Variants in PARD3B observed in about 807,000 individuals in gnomAD.
PARD3B encodes partitioning defective 3 homolog B.
A neutral mutation model predicts 130.2 loss-of-function variants in PARD3B; 103 were observed. That is an observed-to-expected ratio of 0.79 (90% CI 0.67 to 0.93). The LOEUF is 0.93. Among genes scored for constraint, PARD3B ranks in the 40% least tolerant of loss-of-function variants. The pLI, the probability that PARD3B is intolerant of heterozygous loss-of-function variation, is 0.00. For missense variants in PARD3B, 1,609 were observed against 1,499.2 expected, an observed-to-expected ratio of 1.07 and a Z score of -1.21; for synonymous variants, 583 against 553.2, an observed-to-expected ratio of 1.05 and a Z score of -0.76.
intron 21 of PARD3B, among the ~76,000 whole-genome samples, chr2:205,549,524 A>G (rs543144022): frequency 1.3e-5 from 2 of 152,316 alleles, no homozygotes; most frequent in East Asian, 3.9e-4. Context: ...ACCAAGTAAA[A>G]GAAGCCAATC....
At chr2:204,604,355 G>C (rs1217824214) in intron 1 of PARD3B, among the ~76,000 whole-genome samples, 1 of 152,134 alleles carries the variant, frequency 6.6e-6, no homozygotes, top group Non-Finnish European at 1.5e-5. Flanking sequence ...AGCTCAGTAA[G>C]AAAATACAAT....
intron 4 of PARD3B, among the ~76,000 whole-genome samples, chr2:205,064,314 A>G (rs1700231712): frequency 6.6e-6 from 1 of 152,156 alleles, no homozygotes; most frequent in African/African-American, 2.4e-5. Flanking sequence ...CTGAGATCCA[A>G]GCAATTGCTT....
chr2:204,562,886 G>A (rs959298081), intron 1 of PARD3B, among the ~76,000 whole-genome samples: 1 of 150,444 alleles, frequency 6.6e-6, no homozygotes, highest in African/African-American at 2.5e-5. Context: ...TCTCTCTCTT[G>A]TTTCACTTTT....
At chr2:204,626,949 A>G (rs2034507246) in intron 1 of PARD3B, among the ~76,000 whole-genome samples, 1 of 152,064 alleles carries the variant, frequency 6.6e-6, no homozygotes, top group Non-Finnish European at 1.5e-5. Flanking sequence ...TGAGGGAGGG[A>G]CCTGTAATCC....
chr2:205,340,776 C>T (rs1048238237), intron 18 of PARD3B, among the ~76,000 whole-genome samples: 1 of 151,952 alleles, frequency 6.6e-6, no homozygotes, highest in African/African-American at 2.4e-5. Flanking sequence ...AGTTTCTGGA[C>T]AGTAAAGGAA....
chr2:205,156,268 GGGC>G (rs1266544993), intron 10 of PARD3B, among the ~76,000 whole-genome samples: 1 of 130,316 alleles, frequency 7.7e-6, no homozygotes, highest in Non-Finnish European at 1.6e-5. Flanking sequence ...GTTGTGGGGT[GGGC>G]GGGGGGGGGA....
chr2:204,937,998 G>C (rs1688599351), intron 2 of PARD3B, among the ~76,000 whole-genome samples: 1 of 152,314 alleles, frequency 6.6e-6, no homozygotes, highest in Admixed American at 6.5e-5. Context: ...AGAGAGCAGT[G>C]ACACGCCAGT....
At chr2:205,210,627 A>G (rs1260657665) in intron 15 of PARD3B, among the ~76,000 whole-genome samples, 1 of 152,172 alleles carries the variant, frequency 6.6e-6, no homozygotes, top group Non-Finnish European at 1.5e-5. Flanking sequence ...GATGTATTAA[A>G]GATATGAGGC....
At position 205,229,398 on chromosome 2, in the gene PARD3B, G is replaced by A. The variant is rs930366156; in HGVS notation, c.2141-16380G>A. ...GCCCAGTAATGCTGTGACTCTTACAGACTTGTAGAGGTGCCATGTTGGTGG... is the reference window on the plus strand; with the variant it reads ...GCCCAGTAATGCTGTGACTCTTACAAACTTGTAGAGGTGCCATGTTGGTGG... On this transcript the variant is annotated intron_variant, in intron 15 of 22. Coordinates refer to ENST00000406610, the MANE Select transcript of PARD3B (RefSeq NM_001302769.2). The surrounding 1 kb of genome is among the most constrained non-coding windows in gnomAD (Gnocchi z 5.2). Among the ~76,000 whole-genome samples, 2 of 152,224 alleles carry A rather than the reference G, an allele frequency of 1.3e-5. No individual in the cohort carries two copies. The highest frequency in any genetic ancestry group is 4.8e-5 in the African/African-American group (2 of 41,462).
Position 205,244,673 on chromosome 2 carries a change from AC to A in PARD3B, c.2141-1104del, listed in dbSNP as rs1386061522. Among the ~76,000 whole-genome samples, 4 of 151,978 alleles carry A rather than the reference AC, an allele frequency of 2.6e-5. No individual in the cohort carries two copies. Among genetic ancestry groups the A allele is most frequent in the African/African-American group, 9.7e-5 (4 of 41,324 alleles). On this transcript the variant is annotated intron_variant, in intron 15 of 22. Coordinates refer to ENST00000406610, the MANE Select transcript of PARD3B (RefSeq NM_001302769.2). This position sits in a 1 kb window ranked among gnomAD's most constrained non-coding sequence, Gnocchi z 4.7. ...TTGTGGGAAAGTTTTACTTATAAAC[AC>A]ATTTTTTTTTTCAAAAAACTACTAT... is the stretch of plus-strand genomic sequence containing the variant.
At chr2:205,448,481 C>T (rs769390723) in intron 20 of PARD3B, among the ~76,000 whole-genome samples, 3 of 152,114 alleles carry the variant, frequency 2.0e-5, no homozygotes, top group Non-Finnish European at 4.4e-5. Context: ...GGTACAATAA[C>T]TTTTTAAAAT....
rs549544512 is a variant in PARD3B at position 204,814,755 on chromosome 2, C to T, written c.222+128473C>T. ...TGTTTCTAGTATGCTGAGGGTTGTT[C>T]TCTTCTGTCTTGTTATTTTTAAGAG... On this transcript the variant is annotated intron_variant, in intron 2 of 22. Transcript: ENST00000406610. Among the ~76,000 whole-genome samples, 10 of 151,644 alleles carry T rather than the reference C, an allele frequency of 6.6e-5. No homozygotes were observed. In the East Asian group the frequency reaches 1.7e-3, roughly 26 times the overall value.
At position 205,321,381 on chromosome 2, in the gene PARD3B, T is replaced by G. The variant is rs1336813311; in HGVS notation, c.2630+19680T>G. 6.6e-6 allele frequency among the ~76,000 whole-genome samples: 1 copy of G among 152,154 alleles called. No homozygotes were observed. The highest frequency in any genetic ancestry group is 1.5e-5 in the Non-Finnish European group (1 of 68,012). On this transcript the variant is annotated intron_variant, in intron 18 of 22. Transcript: ENST00000406610. The surrounding 1 kb of genome is among the most constrained non-coding windows in gnomAD (Gnocchi z 4.2). The stretch of plus-strand genomic sequence containing the variant: ...GCTACAAAAAATAGCACAAAGAATT[T>G]CCTTATACCTTCCGCCCAGATTCCT...
At chr2:204,847,288 A>G (rs1234103751) in intron 2 of PARD3B, among the ~76,000 whole-genome samples, 1 of 151,368 alleles carries the variant, frequency 6.6e-6, no homozygotes, top group Non-Finnish European at 1.5e-5. Flanking sequence ...ACTAGAAGCC[A>G]CCATAAGAAA....
intron 6 of PARD3B, among the ~76,000 whole-genome samples, chr2:205,117,113 A>T (rs1311715567): frequency 2.0e-5 from 3 of 152,234 alleles, no homozygotes; most frequent in Non-Finnish European, 2.9e-5. Context: ...GAATCAAGTT[A>T]TTGTGAATCC....
intron 2 of PARD3B, among the ~76,000 whole-genome samples, chr2:204,819,405 C>T (rs997806549): frequency 6.6e-6 from 1 of 152,152 alleles, no homozygotes; most frequent in Non-Finnish European, 1.5e-5. Context: ...CTTTATAAGG[C>T]AGCAAACTTA....
intron 20 of PARD3B, among the ~76,000 whole-genome samples, chr2:205,483,933 T>C (rs1176619103): frequency 1.3e-5 from 2 of 152,180 alleles, no homozygotes; most frequent in African/African-American, 4.8e-5. Flanking sequence ...CATCTTAATA[T>C]GGAATGTACA....
At chr2:204,806,046 A>G (rs1293870342) in intron 2 of PARD3B, among the ~76,000 whole-genome samples, 1 of 152,166 alleles carries the variant, frequency 6.6e-6, no homozygotes, top group Non-Finnish European at 1.5e-5. Context: ...AATATTGCTA[A>G]AATGTACGTT....
chr2:205,509,402 C>T (rs1223944235), intron 21 of PARD3B, among the ~76,000 whole-genome samples: 1 of 152,086 alleles, frequency 6.6e-6, no homozygotes, highest in Admixed American at 6.5e-5. Flanking sequence ...GGGCCCTTCC[C>T]ATCTACCGGT....
Sources: allele counts gnomAD v4.1 joint callset (sites outside exome capture counted in the v4.1 genomes callset), GRCh38; gene constraint gnomAD v4.1.1; non-coding constraint Gnocchi (gnomAD v3.1); transcripts MANE v1.5; gene names NCBI Gene and HGNC (gene_info 2026-07-23, HGNC 2026-07-21).